The following ALKBH5 variants were observed in gnomAD, a reference collection of about 807,000 sequenced individuals.
ALKBH5 encodes the protein RNA demethylase ALKBH5.
A neutral mutation model predicts 32.1 loss-of-function variants in ALKBH5; 2 were observed. That is an observed-to-expected ratio of 0.06 (90% confidence interval 0.03 to 0.20). The LOEUF (loss-of-function observed/expected upper bound fraction) is 0.20. ALKBH5 is among the 10% of genes least tolerant of loss of function. The pLI is 1.00. For missense variants in ALKBH5, 352 were observed against 559.5 expected (o/e 0.63, Z 3.74); for synonymous variants, 300 against 231.7 (o/e 1.29, Z -2.68).
At chr17:18,187,508 G>A (rs903567882) in intron 1 of ALKBH5, among the ~76,000 whole-genome samples, 1 of 152,204 alleles carries the variant, frequency 6.6e-6, no homozygotes, top group African/African-American at 2.4e-5. Context: ...TATCTGCTAG[G>A]TGCCAATAGT....
intron 2 of ALKBH5, among the ~76,000 whole-genome samples, chr17:18,202,833 C>T (rs1014976096): frequency 3.3e-5 from 5 of 151,546 alleles, no homozygotes; most frequent in Admixed American, 1.3e-4. Flanking sequence ...TCCAGCACTT[C>T]GGGAGGCTGA....
Position 18,183,933 on chromosome 17 carries a change from T to G in ALKBH5, c.-311T>G. 3 of 562,332 alleles carry G rather than the reference T, an allele frequency of 5.3e-6. No individual in the cohort carries two copies. The highest frequency in any genetic ancestry group is 1.0e-5 in the Non-Finnish European group (3 of 300,720). The allele number at this position is 562,332 out of a possible 1,614,324, so 34.8% of individuals were successfully genotyped here. On this transcript the variant is annotated 5_prime_UTR_variant, in exon 1 of 4. Transcript: ENST00000399138. ...CCGGGCCGGGCGTCCGAGGGTCTGGTCGGGAGTCGGGCCGCGTCTCCGCAG... is the reference window on the plus strand; with the variant it reads ...CCGGGCCGGGCGTCCGAGGGTCTGGGCGGGAGTCGGGCCGCGTCTCCGCAG...
At chr17:18,189,132 C>T (rs557814009) in intron 1 of ALKBH5, among the ~76,000 whole-genome samples, 4 of 152,082 alleles carry the variant, frequency 2.6e-5, no homozygotes, top group African/African-American at 9.6e-5. Context: ...AATCCCAGCA[C>T]TTTGGGAGGC....
chr17:18,184,963 G>A lies in ALKBH5; in HGVS notation c.720G>A (p.Ser240=), dbSNP rs376806300. 2.5e-6 allele frequency: 4 copies of A among 1,613,568 alleles called. No individual in the cohort carries two copies. Among genetic ancestry groups the A allele is most frequent in the Middle Eastern group, 3.3e-4 (2 of 6,062 alleles). ...CKFQFKPIRV[S]EPVLSLPVRR... is the part of the protein sequence containing the mutation. ...TCCAGTTCAAGCCTATTCGGGTGTC[G>A]GAACCAGTGCTTTCCCTGCCGGTGC... is the stretch of plus-strand genomic sequence containing the variant. The change falls in exon 1 of 4, where the codon TCG becomes TCA. Residue 240 remains serine, a synonymous_variant. Transcript: ENST00000399138.
intron 1 of ALKBH5, among the ~76,000 whole-genome samples, chr17:18,191,237 T>A (rs991236116): frequency 6.6e-6 from 1 of 152,218 alleles, no homozygotes; most frequent in African/African-American, 2.4e-5. Flanking sequence ...TAATCAGGAC[T>A]TTGAGCTCAT....
chr17:18,189,174 G>A lies in ALKBH5; in HGVS notation c.770+4161G>A, dbSNP rs554043648. ...GGGTGGATCACGAGGTCAGGACATCGAGACCATCCTGGCTAGCATGGTGAA... is the reference window on the plus strand; with the variant it reads ...GGGTGGATCACGAGGTCAGGACATCAAGACCATCCTGGCTAGCATGGTGAA... On this transcript the variant is annotated intron_variant, in intron 1 of 3. Coordinates refer to ENST00000399138, the MANE Select transcript of ALKBH5 (RefSeq NM_017758.4). Among the ~76,000 whole-genome samples, 128 of 152,226 alleles carry A rather than the reference G, an allele frequency of 8.4e-4. 1 individual carries two copies. The highest frequency in any genetic ancestry group is 3.4e-3 in the Middle Eastern group (1 of 294).
intron 3 of ALKBH5, among the ~76,000 whole-genome samples, chr17:18,207,270 T>C (rs561449133): frequency 6.6e-6 from 1 of 152,298 alleles, no homozygotes; most frequent in African/African-American, 2.4e-5. Context: ...TACTTAGATG[T>C]CAGGAGGGAA....
At position 18,184,226 on chromosome 17, in the gene ALKBH5, A is replaced by G; in HGVS notation, c.-18A>G. 6.7e-7 allele frequency: 1 copy of G among 1,500,280 alleles called. No homozygotes were observed. Among genetic ancestry groups the G allele is most frequent in the Non-Finnish European group, 8.8e-7 (1 of 1,132,156 alleles). The allele number at this position is 1,500,280 out of a possible 1,614,324, so 92.9% of individuals were successfully genotyped here. A position where few individuals can be genotyped will look rare whatever the true frequency, so the allele number is the denominator to read the frequency against. ...CCCCGCCCGCCCCGGAGGACCCTAG[A>G]GCAGCGTCGTGGGGGCCATGGCGGC... On this transcript the variant is annotated 5_prime_UTR_variant, in exon 1 of 4. Coordinates refer to ENST00000399138, the MANE Select transcript of ALKBH5 (RefSeq NM_017758.4).
chr17:18,187,862 A>C (rs1389978243), intron 1 of ALKBH5, among the ~76,000 whole-genome samples: 1 of 152,210 alleles, frequency 6.6e-6, no homozygotes, highest in Admixed American at 6.5e-5. Context: ...TTCTAGTAGT[A>C]GGCATCTTAG....
chr17:18,207,479 G>A (rs964542075), intron 3 of ALKBH5, among the ~76,000 whole-genome samples: 1 of 152,052 alleles, frequency 6.6e-6, no homozygotes, highest in African/African-American at 2.4e-5. Context: ...TGGCTAAGAC[G>A]GTGAAACCCC....
At chr17:18,189,615 C>G (rs1051372826) in intron 1 of ALKBH5, among the ~76,000 whole-genome samples, 5 of 152,158 alleles carry the variant, frequency 3.3e-5, no homozygotes, top group Admixed American at 3.3e-4. Flanking sequence ...CAACAAAATC[C>G]AGAAAGTTTG....
chr17:18,189,066 CA>C (rs547394393), intron 1 of ALKBH5, among the ~76,000 whole-genome samples: 4 of 149,330 alleles, frequency 2.7e-5, no homozygotes, highest in Non-Finnish European at 3.0e-5. Flanking sequence ...GACTCCGTCT[CA>C]AAAAAAATAA....
chr17:18,185,470 C>T (rs927667227), intron 1 of ALKBH5, among the ~76,000 whole-genome samples: 1 of 151,852 alleles, frequency 6.6e-6, no homozygotes, highest in African/African-American at 2.4e-5. Flanking sequence ...AGAAAGTAGT[C>T]ACAGGCAAAG....
intron 2 of ALKBH5, among the ~76,000 whole-genome samples, chr17:18,204,312 G>A (rs1186581765): frequency 1.3e-5 from 2 of 152,130 alleles, no homozygotes; most frequent in South Asian, 2.1e-4. Context: ...GTAGCCAGGC[G>A]TTGGGGTGCA....
In ALKBH5 at chr17:18,198,575, C is replaced by T. The variant is rs527346181; in HGVS notation, c.851+3540C>T. Among the ~76,000 whole-genome samples, 5 of 152,212 alleles carry T rather than the reference C, an allele frequency of 3.3e-5. No homozygotes were observed. In the South Asian group the frequency reaches 6.2e-4, roughly 19 times the overall value. Reference sequence around the variant, plus strand: ...GTAGAATCTGGGCATTGAGCCTGGCCCTGATTATGGTAGAGGAGTTAGAGC... The same window carrying T: ...GTAGAATCTGGGCATTGAGCCTGGCTCTGATTATGGTAGAGGAGTTAGAGC... On this transcript the variant is annotated intron_variant, in intron 2 of 3. Coordinates refer to ENST00000399138, the MANE Select transcript of ALKBH5 (RefSeq NM_017758.4).
At chr17:18,186,882 C>T (rs1212093505) in intron 1 of ALKBH5, among the ~76,000 whole-genome samples, 1 of 152,076 alleles carries the variant, frequency 6.6e-6, no homozygotes, top group Non-Finnish European at 1.5e-5. Context: ...GCTGGCTTTC[C>T]CATCTGTAAG....
rs62073659 is a variant in ALKBH5, at chr17:18,198,037, G to T, written c.851+3002G>T. Among the ~76,000 whole-genome samples, 162 of 152,256 alleles carry T rather than the reference G, an allele frequency of 1.1e-3. 1 individual carries two copies. Among genetic ancestry groups the T allele is most frequent in the African/African-American group, 3.9e-3 (161 of 41,542 alleles). ...TTGGGCATACCTTCTCATCTAACATGTTCATCCTCTGATTCATATCCCAAC... is the reference window on the plus strand; with the variant it reads ...TTGGGCATACCTTCTCATCTAACATTTTCATCCTCTGATTCATATCCCAAC... On this transcript the variant is annotated intron_variant, in intron 2 of 3. Transcript: ENST00000399138.
chr17:18,196,150 A>G (rs987597623), intron 2 of ALKBH5, among the ~76,000 whole-genome samples: 2 of 151,426 alleles, frequency 1.3e-5, no homozygotes, highest in African/African-American at 2.4e-5. Context: ...TTTAGTTGAC[A>G]TATCAACTCA....
chr17:18,185,650 C>G (rs927592168), intron 1 of ALKBH5, among the ~76,000 whole-genome samples: 3 of 152,180 alleles, frequency 2.0e-5, no homozygotes, highest in African/African-American at 7.2e-5. Flanking sequence ...GAACGTGTTA[C>G]TTGTAGTCAG....
Sources: gnomAD v4.1 joint callset for allele counts (sites outside exome capture counted in the v4.1 genomes callset) on GRCh38, gnomAD v4.1.1 for gene constraint, MANE v1.5 for transcripts, NCBI Gene and HGNC (gene_info 2026-07-23, HGNC 2026-07-21) for gene names.